The following ENDOD1 variants were observed in gnomAD, a reference collection of about 807,000 sequenced individuals.
ENDOD1 encodes the protein endonuclease domain-containing 1 protein.
ENDOD1 carries 9 observed loss-of-function variants against 6.5 expected under a neutral mutation model. The observed-to-expected ratio is 1.39, with a 90% CI of 0.84 to 2.43. ENDOD1 has a LOEUF of 2.43. ENDOD1 is among the 30% of genes most tolerant of loss of function. The pLI is 0.00. For synonymous variants in ENDOD1, 255 were observed against 255.2 expected, an observed-to-expected ratio of 1.00 and a Z score of 0.01; for missense variants, 648 against 635.5, an observed-to-expected ratio of 1.02 and a Z score of -0.21.
At chr11:95,126,278 G>A (rs1251997908) in intron 1 of ENDOD1, among the ~76,000 whole-genome samples, 1 of 152,332 alleles carries the variant, frequency 6.6e-6, no homozygotes, top group East Asian at 1.9e-4. Flanking sequence ...ACTGCCCTCA[G>A]ACTAGAGGTG....
intron 1 of ENDOD1, among the ~76,000 whole-genome samples, chr11:95,118,316 C>T (rs1859230476): frequency 6.6e-6 from 1 of 152,194 alleles, no homozygotes; most frequent in South Asian, 2.1e-4. Flanking sequence ...GATTGAAGTA[C>T]TCCCTTTAGC....
chr11:95,111,190 A>G (rs1180895704), intron 1 of ENDOD1, among the ~76,000 whole-genome samples: 1 of 152,100 alleles, frequency 6.6e-6, no homozygotes, highest in East Asian at 1.9e-4. Flanking sequence ...TGACATTTGC[A>G]TAGATTTTGC....
Position 95,108,764 on chromosome 11 carries a change from C to T in ENDOD1, c.300+18537C>T, listed in dbSNP as rs139377877. Among the ~76,000 whole-genome samples the T allele has an allele frequency of 1.3e-4, 20 of 152,240 alleles. No individual in the cohort carries two copies. The East Asian group carries it at 3.7e-3, about 28-fold the overall frequency. On this transcript the variant is annotated intron_variant, in intron 1 of 1. Coordinates refer to ENST00000278505, the MANE Select transcript of ENDOD1 (RefSeq NM_015036.3). Reference sequence around the variant, plus strand: ...ATCCTCCCCCTCCATTGTTGAAAGGCAGCAGCTCCTTCCCTCGCTGGGTAT... The same window carrying T: ...ATCCTCCCCCTCCATTGTTGAAAGGTAGCAGCTCCTTCCCTCGCTGGGTAT...
intron 1 of ENDOD1, among the ~76,000 whole-genome samples, chr11:95,112,170 C>T (rs1766851433): frequency 1.3e-5 from 2 of 152,206 alleles, no homozygotes; most frequent in South Asian, 4.1e-4. Context: ...AAAGCTTTCT[C>T]CTCCCTTGAC....
At chr11:95,122,279 A>G (rs1353208254) in intron 1 of ENDOD1, among the ~76,000 whole-genome samples, 1 of 151,994 alleles carries the variant, frequency 6.6e-6, no homozygotes, top group African/African-American at 2.4e-5. Flanking sequence ...CTGGAGTACA[A>G]TGGCATGATC....
At chr11:95,103,854 T>C (rs1244885849) in intron 1 of ENDOD1, among the ~76,000 whole-genome samples, 1 of 152,240 alleles carries the variant, frequency 6.6e-6, no homozygotes, top group Non-Finnish European at 1.5e-5. Context: ...CGCATATATG[T>C]TAAGCATGTT....
At chr11:95,105,098 G>C (rs11607121) in intron 1 of ENDOD1, among the ~76,000 whole-genome samples, 187 of 152,332 alleles carry the variant, frequency 1.2e-3, no homozygotes, top group African/African-American at 4.3e-3. Flanking sequence ...GACCGGGTGA[G>C]TTGAGCCTTG....
At chr11:95,099,924 A>G (rs1161297730) in intron 1 of ENDOD1, among the ~76,000 whole-genome samples, 3 of 152,188 alleles carry the variant, frequency 2.0e-5, no homozygotes, top group Non-Finnish European at 4.4e-5. Context: ...GGAACCCCAT[A>G]ATGAAATATC....
At chr11:95,114,343 G>A (rs1859181686) in intron 1 of ENDOD1, among the ~76,000 whole-genome samples, 1 of 147,552 alleles carries the variant, frequency 6.8e-6, no homozygotes, top group Admixed American at 6.6e-5. Flanking sequence ...TTTTAAATTG[G>A]ATTATTAGAT....
intron 1 of ENDOD1, among the ~76,000 whole-genome samples, chr11:95,113,384 C>T (rs1320000485): frequency 1.3e-5 from 2 of 152,126 alleles, no homozygotes; most frequent in African/African-American, 4.8e-5. Flanking sequence ...GTCTCCACCT[C>T]CCCAACACTC....
At chr11:95,110,522 G>A (rs1591015047) in intron 1 of ENDOD1, among the ~76,000 whole-genome samples, 2 of 151,866 alleles carry the variant, frequency 1.3e-5, no homozygotes, top group East Asian at 3.9e-4. Context: ...CCCCTCCCTG[G>A]TACACTGGGT....
intron 1 of ENDOD1, among the ~76,000 whole-genome samples, chr11:95,107,947 G>A (rs929403024): frequency 6.6e-6 from 1 of 151,992 alleles, no homozygotes; most frequent in African/African-American, 2.4e-5. Context: ...GATTACAGGC[G>A]TGAGCCACCG....
chr11:95,090,182 C>A lies in ENDOD1; in HGVS notation c.255C>A (p.Arg85=), dbSNP rs1051350193. The A allele has an allele frequency of 3.5e-6, 5 of 1,426,372 alleles. No homozygotes were observed. The African/African-American group carries it at 7.4e-5, about 21-fold the overall frequency. 88.4% of individuals were successfully genotyped at this position (1,426,372 alleles called of 1,614,324 possible). The change falls in exon 1 of 2, where the codon CGC becomes CGA. Residue 85 remains arginine (R), a synonymous_variant. Coordinates refer to ENST00000278505, the MANE Select transcript of ENDOD1 (RefSeq NM_015036.3). ...TGTACTCCGCGTTCCGCGCCCCGCGCCCTGCGCCCGGCGGCGCCGAGCAGC... is the reference window on the plus strand; with the variant it reads ...TGTACTCCGCGTTCCGCGCCCCGCGACCTGCGCCCGGCGGCGCCGAGCAGC... ...IPVYSAFRAP[R]PAPGGAEQRW... is the part of the protein sequence containing the mutation.
At position 95,090,038 on chromosome 11, in the gene ENDOD1, C is replaced by T. The variant is rs1371752335; in HGVS notation, c.111C>T (p.Phe37=). 4 of 1,599,426 alleles carry T rather than the reference C, an allele frequency of 2.5e-6. No homozygotes were observed. In the African/African-American group the frequency reaches 4.1e-5, roughly 16 times the overall value. The change falls in exon 1 of 2, where the codon TTC becomes TTT. Residue 37 remains phenylalanine, a synonymous_variant. Coordinates refer to ENST00000278505, the MANE Select transcript of ENDOD1 (RefSeq NM_015036.3). ...CCGGCTTTGGCGAATGTGACAAGTTCTTCTACGCCGGGACCCCGCCTGCGG... is the reference window on the plus strand; with the variant it reads ...CCGGCTTTGGCGAATGTGACAAGTTTTTCTACGCCGGGACCCCGCCTGCGG... ...EEAGFGECDK[F]FYAGTPPAGL... is the part of the protein sequence containing the mutation.
chr11:95,095,924 A>T (rs1555110261), intron 1 of ENDOD1, among the ~76,000 whole-genome samples: 1 of 152,218 alleles, frequency 6.6e-6, no homozygotes, highest in Non-Finnish European at 1.5e-5. Context: ...CTGGCTGACT[A>T]GACTTGTTAT....
chr11:95,108,077 T>C (rs1555111598), intron 1 of ENDOD1, among the ~76,000 whole-genome samples: 1 of 152,326 alleles, frequency 6.6e-6, no homozygotes, highest in South Asian at 2.1e-4. Context: ...AGGCCACCCA[T>C]TGGCCTTCAC....
At chr11:95,114,362 T>TGCC (rs1859181990) in intron 1 of ENDOD1, among the ~76,000 whole-genome samples, 1 of 147,696 alleles carries the variant, frequency 6.8e-6, no homozygotes, top group African/African-American at 2.7e-5. Context: ...ATTTTTTTCC[T>TGCC]ATGGAGTTGT....
chr11:95,128,254 C>T, intron 1 of ENDOD1, 123 bp from the exon 2 acceptor site: 2 of 1,186,292 alleles, frequency 1.7e-6, no homozygotes, highest in Non-Finnish European at 2.3e-6. Flanking sequence ...CAAGTCCTTC[C>T]AAACTCAAGC....
intron 1 of ENDOD1, among the ~76,000 whole-genome samples, chr11:95,100,098 T>C (rs658272): frequency 0.97 from 147,088 of 152,274 alleles, 71,073 homozygotes; most frequent in East Asian, 1. Context: ...GAACCAGATA[T>C]AACTCCTTCA....
Sources: gnomAD v4.1 joint callset for allele counts (sites outside exome capture counted in the v4.1 genomes callset) on GRCh38, gnomAD v4.1.1 for gene constraint, MANE v1.5 for transcripts, NCBI Gene and HGNC (gene_info 2026-07-23, HGNC 2026-07-21) for gene names.